ADGRG2: variants seen among roughly 807,000 people sequenced by gnomAD.
The protein encoded by ADGRG2 is adhesion G protein-coupled receptor G2.
ADGRG2 carries 26 observed loss-of-function variants against 74.1 expected under a neutral mutation model. The observed-to-expected ratio is 0.35, with a 90% CI of 0.26 to 0.49. The LOEUF is 0.49. Ranked by LOEUF, ADGRG2 falls within the 20% of genes least tolerant of loss-of-function variation. The pLI is 0.99. For missense variants in ADGRG2, 619 were observed against 763.1 expected, an observed-to-expected ratio of 0.81 and a Z score of 2.22; for synonymous variants, 296 against 295.2, an observed-to-expected ratio of 1.00 and a Z score of -0.03.
intron 3 of ADGRG2, among the ~76,000 whole-genome samples, chrX:19,064,108 G>A (rs1338323108): frequency 9.0e-6 from 1 of 111,527 alleles, no homozygotes; most frequent in Non-Finnish European, 1.9e-5. Context: ...GGTTTGTCCC[G>A]CACATGGGCC....
intron 1 of ADGRG2, among the ~76,000 whole-genome samples, chrX:19,098,049 T>C (rs1215390246): frequency 8.8e-6 from 1 of 113,133 alleles, no homozygotes; most frequent in Non-Finnish European, 1.9e-5. Context: ...ATGTCACACA[T>C]GATAATTTCT....
intron 2 of ADGRG2, among the ~76,000 whole-genome samples, chrX:19,070,048 TC>T (rs1256900785): frequency 8.9e-6 from 1 of 111,792 alleles, no homozygotes; most frequent in African/African-American, 3.3e-5. Context: ...AGAGTCCTGC[TC>T]CTGCTGGTTG....
At position 19,079,846 on chromosome X, in the gene ADGRG2, G is replaced by A. The variant is rs779166574; in HGVS notation, c.-2+2856C>T. Among the ~76,000 whole-genome samples the A allele has an allele frequency of 1.1e-3, 126 of 111,148 alleles. 1 individual carries two copies. The highest frequency in any genetic ancestry group is 3.9e-3 in the African/African-American group (119 of 30,692). ...GTGCAAGATTAGAACTAAATTGTGC[G>A]CTTAATGTAAACATACACTCACCAA... On this transcript the variant is annotated intron_variant, in intron 2 of 28. Transcript: ENST00000379869.
intron 8 of ADGRG2, chrX:19,032,693 A>G (rs1374777748): frequency 9.0e-6 from 1 of 111,613 alleles, no homozygotes; most frequent in African/African-American, 3.3e-5. Flanking sequence ...TGTGGGTCAT[A>G]TGGTCTCTGT....
chrX:19,016,587 C>T (rs1173183395), intron 15 of ADGRG2, among the ~76,000 whole-genome samples: 1 of 108,552 alleles, frequency 9.2e-6, no homozygotes, highest in Non-Finnish European at 1.9e-5. Context: ...GGTACATGTG[C>T]ACAATGTGCA....
chrX:19,062,589 A>G (rs184928109), intron 3 of ADGRG2, among the ~76,000 whole-genome samples: 1 of 111,682 alleles, frequency 9.0e-6, no homozygotes, highest in East Asian at 2.8e-4. Flanking sequence ...GAATGAGGAG[A>G]CCAGGACAGG....
intron 26 of ADGRG2, among the ~76,000 whole-genome samples, chrX:18,996,834 C>A (rs1345452399): frequency 9.0e-6 from 1 of 111,661 alleles, no homozygotes; most frequent in Non-Finnish European, 1.9e-5. Flanking sequence ...AAGGCTTTTG[C>A]CAATAAATAT....
At chrX:19,093,516 T>C (rs2062045324) in intron 1 of ADGRG2, among the ~76,000 whole-genome samples, 1 of 111,594 alleles carries the variant, frequency 9.0e-6, no homozygotes, top group Non-Finnish European at 1.9e-5. Flanking sequence ...GACACAAAGA[T>C]GGGAGTGACT....
chrX:19,115,798 A>G (rs1474792315), intron 1 of ADGRG2, among the ~76,000 whole-genome samples: 2 of 111,129 alleles, frequency 1.8e-5, no homozygotes, highest in African/African-American at 6.6e-5. Context: ...TACTAAAAAT[A>G]CAAAAATTAG....
intron 17 of ADGRG2, among the ~76,000 whole-genome samples, chrX:19,010,268 G>A (rs1214572245): frequency 2.8e-5 from 3 of 107,413 alleles, no homozygotes; most frequent in African/African-American, 6.8e-5. Flanking sequence ...CTACAGGCAC[G>A]CATCACCATG....
intron 12 of ADGRG2, 38 bp from the exon 13 acceptor site, chrX:19,023,491 T>C: frequency 1.3e-6 from 1 of 793,635 alleles, no homozygotes; most frequent in Non-Finnish European, 1.9e-6. Context: ...ACATATATGT[T>C]ACTTTGGGCA....
intron 27 of ADGRG2, among the ~76,000 whole-genome samples, chrX:18,995,551 CT>C (rs2060003188): frequency 9.0e-6 from 1 of 111,367 alleles, no homozygotes; most frequent in Admixed American, 9.6e-5. Flanking sequence ...AAAAAATGAG[CT>C]ATTTGCTCTA....
rs747325462 is a variant in ADGRG2, at chrX:19,013,820, G to A, written c.965C>T (p.Ser322Phe). The change falls in exon 16 of 29, where the codon TCT becomes TTT. Residue 322 changes from serine to phenylalanine, a missense_variant. Ser to Phe is a radical substitution (Grantham distance 155). Around this residue, in one of 3 missense-constraint regions of ADGRG2, gnomAD observed 292 missense variants for 318.0 expected, o/e 0.92. Transcript: ENST00000379869. ...GGGCATAGGGGAAGAGATCGTTTCAGACTGTGGGGGCATGTCAATGGCAGG... is the reference window on the plus strand; with the variant it reads ...GGGCATAGGGGAAGAGATCGTTTCAAACTGTGGGGGCATGTCAATGGCAGG... ...SSPAIDMPPQ[S>F]ETISSPMPQT... 29 of 1,201,382 alleles carry A rather than the reference G, an allele frequency of 2.4e-5. No individual in the cohort carries two copies. In the Admixed American group the frequency reaches 6.4e-4, roughly 27 times the overall value.
At chrX:19,093,922 C>T (rs2062053018) in intron 1 of ADGRG2, among the ~76,000 whole-genome samples, 1 of 109,783 alleles carries the variant, frequency 9.1e-6, no homozygotes, top group South Asian at 3.9e-4. Context: ...CACACACACA[C>T]ACACACACAC....
chrX:18,991,792 G>A (rs1569350909), intron 28 of ADGRG2, among the ~76,000 whole-genome samples: 1 of 111,827 alleles, frequency 8.9e-6, no homozygotes, highest in South Asian at 3.8e-4. Context: ...CTGATCATTA[G>A]ACCATTGGGA....
intron 2 of ADGRG2, among the ~76,000 whole-genome samples, chrX:19,071,693 A>G (rs927537769): frequency 1.8e-5 from 2 of 111,611 alleles, no homozygotes; most frequent in African/African-American, 6.5e-5. Flanking sequence ...CTGTGTGCCA[A>G]TTACATGGGT....
Position 19,083,394 on chromosome X carries a change from C to T in ADGRG2, c.-46-648G>A, listed in dbSNP as rs1490009555. 2.7e-5 allele frequency among the ~76,000 whole-genome samples: 3 copies of T among 110,376 alleles called. No homozygotes were observed. The South Asian group carries it at 1.2e-3, about 43-fold the overall frequency. ...AACAACATCATAGGGCACTGGACAA[C>T]GAAGTGATTGGACCAGACCTGGGGT... On this transcript the variant is annotated intron_variant, in intron 1 of 28. Transcript: ENST00000379869.
At chrX:19,035,542 TATATAA>T (rs1191076887) in intron 7 of ADGRG2, 7 of 115,405 alleles carry the variant, frequency 6.1e-5, no homozygotes, top group African/African-American at 2.3e-4. Flanking sequence ...AGAGTATATG[TATATAA>T]ATATATGTAT....
chrX:19,055,287 C>T (rs1012051270), intron 3 of ADGRG2, among the ~76,000 whole-genome samples: 16 of 110,560 alleles, frequency 1.4e-4, no homozygotes, highest in South Asian at 7.6e-4. Context: ...TGTGTGTGTG[C>T]GCGCGCACGC....
Sources: gnomAD v4.1 joint callset for allele counts (sites outside exome capture counted in the v4.1 genomes callset) on GRCh38, gnomAD v4.1.1 for gene constraint, gnomAD v4.1.1 regional missense constraint, MANE v1.5 for transcripts, NCBI Gene and HGNC (gene_info 2026-07-23, HGNC 2026-07-21) for gene names.